ABI3BP: variants seen among roughly 807,000 people sequenced by gnomAD.
ABI3BP encodes target of Nesh-SH3.
A neutral mutation model predicts 268.6 loss-of-function variants in ABI3BP; 216 were observed. That is an observed-to-expected ratio of 0.80 (90% CI 0.72 to 0.90). The LOEUF (loss-of-function observed/expected upper bound fraction) is 0.90. Among genes scored for constraint, ABI3BP ranks in the 40% least tolerant of loss-of-function variants. ABI3BP has a pLI of 0.00. For missense variants in ABI3BP, 2,090 were observed against 2,182.4 expected (o/e 0.96, Z 0.84); for synonymous variants, 730 against 730.0 (o/e 1.00, Z 0.00).
intron 6 of ABI3BP, among the ~76,000 whole-genome samples, chr3:100,876,762 C>G (rs2099164685): frequency 6.6e-6 from 1 of 151,512 alleles, no homozygotes; most frequent in South Asian, 2.1e-4. Flanking sequence ...GGTGGATCAC[C>G]TGAGGTCAGG....
chr3:100,879,743 C>T lies in ABI3BP; in HGVS notation c.697-3183G>A, dbSNP rs187235956. Among the ~76,000 whole-genome samples the T allele has an allele frequency of 2.3e-4, 35 of 152,244 alleles. No homozygotes were observed. In the East Asian group the frequency reaches 6.8e-3, roughly 29 times the overall value. Reference sequence around the variant, plus strand: ...TAAAAAATCATTTAGCTGAAGAATGCAATTTTTTTTCTAGGCCTAGAAATG... The same window carrying T: ...TAAAAAATCATTTAGCTGAAGAATGTAATTTTTTTTCTAGGCCTAGAAATG... On this transcript the variant is annotated intron_variant, in intron 6 of 67. Transcript: ENST00000471714.
intron 1 of ABI3BP, chr3:100,952,637 C>T (rs552233309): frequency 3.3e-5 from 5 of 152,090 alleles, no homozygotes; most frequent in Non-Finnish European, 4.4e-5. Flanking sequence ...GTGCAGGCTT[C>T]GGCAGCACAT....
At chr3:100,816,022 A>G in intron 43 of ABI3BP, 51 bp from the exon 44 acceptor site, 3 of 1,299,584 alleles carry the variant, frequency 2.3e-6, no homozygotes, top group Non-Finnish European at 3.1e-6. Flanking sequence ...ACTTTTTAAA[A>G]AAAATCCTCA....
intron 1 of ABI3BP, among the ~76,000 whole-genome samples, chr3:100,935,797 A>G (rs191602083): frequency 6.6e-6 from 1 of 152,204 alleles, no homozygotes; most frequent in African/African-American, 2.4e-5. Flanking sequence ...TTTTGTGTAT[A>G]GGAAGGTTGT....
In ABI3BP at chr3:100,979,492, T is replaced by C. The variant is rs146082162; in HGVS notation, c.79+13814A>G. Among the ~76,000 whole-genome samples, 1,094 of 152,318 alleles carry C rather than the reference T, an allele frequency of 7.2e-3. 10 individuals carry two copies. Among genetic ancestry groups the C allele is most frequent in the African/African-American group, 0.025 (1,027 of 41,562 alleles). ...TATCCCTAAAAGGATCTTTACTCTGTTAATGCTTATCCTTTAATGCCTTTT... is the reference window on the plus strand; with the variant it reads ...TATCCCTAAAAGGATCTTTACTCTGCTAATGCTTATCCTTTAATGCCTTTT... On this transcript the variant is annotated intron_variant, in intron 1 of 67. Transcript: ENST00000471714.
At position 100,753,831 on chromosome 3, in the gene ABI3BP, C is replaced by G. The variant is rs775450180; in HGVS notation, c.4948G>C (p.Glu1650Gln). 40 of 1,611,224 alleles carry G rather than the reference C, an allele frequency of 2.5e-5. No homozygotes were observed. Among genetic ancestry groups the G allele is most frequent in the Non-Finnish European group, 3.4e-5 (40 of 1,178,872 alleles). ...STESADPRVS[E>Q]PVSAGRDAIW... is the part of the protein sequence containing the mutation. ...GACAGGTACTTACCAGAAACTGGCT[C>G]ACTCACTCTTGGGTCCGCTGAGGAG... The change falls in exon 65 of 68, where the codon GAG becomes CAG. Residue 1650 changes from glutamate to glutamine, a missense_variant. Glu to Gln is a conservative substitution (Grantham distance 29). Coordinates refer to ENST00000471714, the MANE Select transcript of ABI3BP (RefSeq NM_001375547.2).
chr3:100,932,685 A>G (rs2064100242), intron 1 of ABI3BP, among the ~76,000 whole-genome samples: 1 of 152,126 alleles, frequency 6.6e-6, no homozygotes, highest in South Asian at 2.1e-4. Flanking sequence ...ATTATTAAAA[A>G]GTCAGAAGAT....
intron 6 of ABI3BP, among the ~76,000 whole-genome samples, chr3:100,878,069 A>T (rs982201420): frequency 1.3e-5 from 2 of 152,146 alleles, no homozygotes; most frequent in African/African-American, 4.8e-5. Context: ...TGACTCAATG[A>T]TTTCCTCCTT....
In ABI3BP at chr3:100,910,538, C is replaced by CT. The variant is rs577616809; in HGVS notation, c.260-7853dup. Reference sequence around the variant, plus strand: ...TATTTCTTTCCTATTCTTGCTTTTCCTTTTTTTTTAAAAAAAAAATAGAGA... The same window carrying CT: ...TATTTCTTTCCTATTCTTGCTTTTCCTTTTTTTTTTAAAAAAAAAATAGAGA... On this transcript the variant is annotated intron_variant, in intron 2 of 67. Transcript: ENST00000471714. Among the ~76,000 whole-genome samples, 313 of 149,196 alleles carry CT rather than the reference C, an allele frequency of 2.1e-3. 1 individual carries two copies. The highest frequency in any genetic ancestry group is 0.01 in the Middle Eastern group (3 of 294).
intron 44 of ABI3BP, 65 bp from the exon 45 acceptor site, chr3:100,813,800 G>C (rs903668319): frequency 7.9e-5 from 106 of 1,334,490 alleles, no homozygotes; most frequent in Non-Finnish European, 1.0e-4. Context: ...GTTTTAGACA[G>C]AGGTAGCAGT....
chr3:100,864,861 A>T lies in ABI3BP; in HGVS notation c.1035T>A (p.Ser345Arg), dbSNP rs1317139819. The change falls in exon 11 of 68, where the codon AGT becomes AGA. Residue 345 changes from serine to arginine, a missense_variant. Physicochemically the swap from Ser to Arg is moderately radical, Grantham distance 110. Coordinates refer to ENST00000471714, the MANE Select transcript of ABI3BP (RefSeq NM_001375547.2). ...VPRSTKPTTS[S>R]ALDVSETTLV... ...GTGTTGTTTCTGAAACATCTAATGC[A>T]CTAGACGTAGTGGGTTTAGTGCTTC... The T allele has an allele frequency of 6.2e-7, 1 of 1,608,380 alleles. No individual in the cohort carries two copies. Among genetic ancestry groups the T allele is most frequent in the Non-Finnish European group, 8.5e-7 (1 of 1,178,276 alleles).
Position 100,775,247 on chromosome 3 carries a change from A to G in ABI3BP, c.4422T>C (p.Asp1474=), listed in dbSNP as rs372482416. The change falls in exon 60 of 68, where the codon GAT becomes GAC. Residue 1474 remains aspartate, a synonymous_variant. Coordinates refer to ENST00000471714, the MANE Select transcript of ABI3BP (RefSeq NM_001375547.2). ...TGTPLERIET[D]IKQPTVPASG... ...AGGCAGGAACTGTTGGTTGCTTTAT[A>G]TCTGTCTCTATTCTCTCCAAGGGAG... The G allele has an allele frequency of 3.7e-6, 6 of 1,611,602 alleles. No homozygotes were observed. The highest frequency in any genetic ancestry group is 5.1e-6 in the Non-Finnish European group (6 of 1,178,928).
chr3:100,982,267 G>T (rs2089908283), intron 1 of ABI3BP, among the ~76,000 whole-genome samples: 2 of 152,008 alleles, frequency 1.3e-5, no homozygotes, highest in African/African-American at 2.4e-5. Flanking sequence ...ACAAGATTTG[G>T]GTGGGAACAC....
rs2098768743 is a variant in ABI3BP at position 100,846,380 on chromosome 3, G to C, written c.1715C>G (p.Thr572Ser). Reference sequence around the variant, plus strand: ...AAGTTTAGGGTAATTACCAGGTTTGGTGTGTGTCACTTCTGGGCTGAGAGG... The same window carrying C: ...AAGTTTAGGGTAATTACCAGGTTTGCTGTGTGTCACTTCTGGGCTGAGAGG... Reference protein sequence around the residue: ...KIPLSPEVTHTKPAPEPQTLL... With the variant: ...KIPLSPEVTHSKPAPEPQTLL... Residue 572 changes from threonine (T) to serine (S), a missense_variant, in exon 20 of 68, where the codon ACC becomes AGC. Physicochemically the swap from Thr to Ser is moderately conservative, Grantham distance 58 (BLOSUM62 1). Transcript: ENST00000471714. The C allele has an allele frequency of 5.0e-6, 8 of 1,597,626 alleles. No individual in the cohort carries two copies. Among genetic ancestry groups the C allele is most frequent in the Non-Finnish European group, 6.8e-6 (8 of 1,171,156 alleles).
At chr3:100,876,660 A>G (rs769480710) in intron 6 of ABI3BP, 100 bp from the exon 7 acceptor site, 40 of 1,058,476 alleles carry the variant, frequency 3.8e-5, no homozygotes, top group Non-Finnish European at 5.6e-5. Context: ...CTTGTCTTCA[A>G]TGAAGTCTCC....
intron 1 of ABI3BP, among the ~76,000 whole-genome samples, chr3:100,958,188 T>C (rs1429679977): frequency 1.3e-5 from 2 of 152,196 alleles, no homozygotes; most frequent in Non-Finnish European, 2.9e-5. Flanking sequence ...CACCTGCTGA[T>C]GAAGATAAGA....
chr3:100,795,484 T>C (rs1228792665), intron 53 of ABI3BP, among the ~76,000 whole-genome samples: 1 of 152,062 alleles, frequency 6.6e-6, no homozygotes, highest in South Asian at 2.1e-4. Context: ...ACTAGTATGT[T>C]ACATTACAGC....
rs1451529878 is a variant in ABI3BP at position 100,964,320 on chromosome 3, C to G, written c.79+28986G>C. On this transcript the variant is annotated intron_variant, in intron 1 of 67. Coordinates refer to ENST00000471714, the MANE Select transcript of ABI3BP (RefSeq NM_001375547.2). ...TTGGGGGACCAGCCTTCTTTGGGCA[C>G]TATGTAAATGTCATACCTGATCAAA... Among the ~76,000 whole-genome samples the G allele has an allele frequency of 2.0e-5, 3 of 152,196 alleles. No individual in the cohort carries two copies. The East Asian group carries it at 5.8e-4, about 29-fold the overall frequency.
intron 9 of ABI3BP, among the ~76,000 whole-genome samples, chr3:100,867,673 T>C (rs1447316477): frequency 6.9e-6 from 1 of 145,140 alleles, no homozygotes; most frequent in Non-Finnish European, 1.5e-5. Context: ...AAAATTTCCG[T>C]TATTCTACAT....
Sources: gnomAD v4.1 joint callset for allele counts (sites outside exome capture counted in the v4.1 genomes callset) on GRCh38, gnomAD v4.1.1 for gene constraint, MANE v1.5 for transcripts, NCBI Gene and HGNC (gene_info 2026-07-23, HGNC 2026-07-21) for gene names.